The following PDZD2 variants were observed in gnomAD, a reference collection of about 807,000 sequenced individuals.
PDZD2 encodes PDZ domain-containing protein 2.
PDZD2 carries 90 observed loss-of-function variants against 220.7 expected under a neutral mutation model. The ratio of observed to expected loss-of-function variants is 0.41; its 90% CI spans 0.34 to 0.49. The LOEUF (loss-of-function observed/expected upper bound fraction) is 0.49, where lower values mean the gene tolerates loss of function less well. Among genes scored for constraint, PDZD2 ranks in the 20% least tolerant of loss-of-function variants. The pLI is 0.28. For synonymous variants in PDZD2, 1,375 were observed against 1,450.5 expected (o/e 0.95, Z 1.18); for missense variants, 3,174 against 3,608.5 (o/e 0.88, Z 3.08).
intron 2 of PDZD2, among the ~76,000 whole-genome samples, chr5:31,814,668 A>C (rs1463824832): frequency 6.6e-6 from 1 of 150,938 alleles, no homozygotes. Flanking sequence ...ACTAAAAAAA[A>C]ACAGCCAAGC....
In PDZD2 at chr5:32,074,367, G is replaced by A. The variant is rs762807133; in HGVS notation, c.3261G>A (p.Leu1087=). 1 of 1,614,136 alleles carries A rather than the reference G, an allele frequency of 6.2e-7. No homozygotes were observed. The highest frequency in any genetic ancestry group is 8.5e-7 in the Non-Finnish European group (1 of 1,180,028). Residue 1087 remains leucine (L), a synonymous_variant, in exon 18 of 25, where the codon TTG becomes TTA. Coordinates refer to ENST00000438447, the MANE Select transcript of PDZD2 (RefSeq NM_178140.4). ...CAGGATCAAGTAGCGCACCCAAATT[G>A]GAATACACAGTCCGTACAGACACCC... ...ELSGSSSAPK[L]EYTVRTDTQS...
chr5:31,693,247 T>TTTC (rs904672015), intron 1 of PDZD2, among the ~76,000 whole-genome samples: 1 of 146,428 alleles, frequency 6.8e-6, no homozygotes, highest in African/African-American at 2.5e-5. Flanking sequence ...GCACTTTTTT[T>TTTC]TTTTTTTTTT....
chr5:31,748,928 T>C (rs1750762624), intron 1 of PDZD2, among the ~76,000 whole-genome samples: 1 of 152,234 alleles, frequency 6.6e-6, no homozygotes, highest in East Asian at 1.9e-4. Context: ...TCTGTGTCTC[T>C]GCCTAGCACT....
intron 3 of PDZD2, among the ~76,000 whole-genome samples, chr5:31,985,800 C>T (rs112099444): frequency 0.014 from 2,083 of 152,002 alleles, 51 homozygotes; most frequent in African/African-American, 0.048. Flanking sequence ...AACTTCTGGC[C>T]GGGCGCAGTG....
chr5:31,907,314 G>A (rs1742744788), intron 2 of PDZD2, among the ~76,000 whole-genome samples: 3 of 152,192 alleles, frequency 2.0e-5, no homozygotes. Context: ...TCTTCACATG[G>A]CAGGGAAAGC....
chr5:32,054,655 A>G (rs1323282756), intron 10 of PDZD2, among the ~76,000 whole-genome samples: 1 of 152,008 alleles, frequency 6.6e-6, no homozygotes, highest in Non-Finnish European at 1.5e-5. Flanking sequence ...TCTCAATAGC[A>G]CCTGCCATTT....
chr5:31,735,309 G>A (rs1231668570), intron 1 of PDZD2, among the ~76,000 whole-genome samples: 1 of 152,074 alleles, frequency 6.6e-6, no homozygotes, highest in Non-Finnish European at 1.5e-5. Context: ...GTGTGGTGGG[G>A]GCACTTCGTG....
chr5:31,719,925 A>C (rs1387890621), intron 1 of PDZD2, among the ~76,000 whole-genome samples: 2 of 152,356 alleles, frequency 1.3e-5, no homozygotes, highest in East Asian at 3.9e-4. Context: ...GGTTTAAGCA[A>C]AGAGGTTATT....
intron 2 of PDZD2, among the ~76,000 whole-genome samples, chr5:31,846,978 G>A (rs1757617715): frequency 6.6e-6 from 1 of 152,084 alleles, no homozygotes; most frequent in South Asian, 2.1e-4. Context: ...TTTTTTGTTT[G>A]TGTCTGGTTC....
chr5:31,962,952 C>A (rs991889198), intron 2 of PDZD2, among the ~76,000 whole-genome samples: 1 of 152,158 alleles, frequency 6.6e-6, no homozygotes, highest in African/African-American at 2.4e-5. Flanking sequence ...TTTGATTTTG[C>A]TTTTGGATGC....
chr5:31,981,375 T>G (rs1750287096), intron 2 of PDZD2, among the ~76,000 whole-genome samples: 3 of 152,204 alleles, frequency 2.0e-5, no homozygotes, highest in Non-Finnish European at 4.4e-5. Flanking sequence ...ATATATGCCT[T>G]TGGGCCAGAA....
chr5:32,047,348 G>A (rs376693685), intron 7 of PDZD2, among the ~76,000 whole-genome samples: 1 of 152,148 alleles, frequency 6.6e-6, no homozygotes, highest in East Asian at 1.9e-4. Flanking sequence ...AAACAGCATG[G>A]GTAAAGCTGG....
chr5:31,726,036 G>A (rs901919662), intron 1 of PDZD2: 3 of 342,196 alleles, frequency 8.8e-6, no homozygotes, highest in African/African-American at 4.3e-5. Context: ...GTGCTGAACC[G>A]AGAAGGCAGG....
At chr5:32,063,487 G>T (rs781608242) in intron 14 of PDZD2, among the ~76,000 whole-genome samples, 6 of 152,210 alleles carry the variant, frequency 3.9e-5, no homozygotes, top group Non-Finnish European at 7.3e-5. Flanking sequence ...CACCAAGGAG[G>T]CCCTGGGGGT....
At chr5:31,812,935 AAC>A (rs775104388) in intron 2 of PDZD2, among the ~76,000 whole-genome samples, 9 of 152,202 alleles carry the variant, frequency 5.9e-5, no homozygotes, top group Middle Eastern at 3.2e-3. Flanking sequence ...TGACTGGGTT[AAC>A]ACTTTTCTTC....
chr5:31,781,486 A>G (rs1263165119), intron 1 of PDZD2, among the ~76,000 whole-genome samples: 1 of 152,194 alleles, frequency 6.6e-6, no homozygotes, highest in African/African-American at 2.4e-5. Flanking sequence ...AGTGGTGGGT[A>G]TACAGTGCAC....
intron 19 of PDZD2, among the ~76,000 whole-genome samples, chr5:32,080,084 C>T (rs1409272608): frequency 2.0e-5 from 3 of 152,082 alleles, no homozygotes; most frequent in African/African-American, 4.8e-5. Context: ...CGCAGTGGCT[C>T]ACACCTGTAA....
intron 1 of PDZD2, among the ~76,000 whole-genome samples, chr5:31,780,839 T>C (rs1753022320): frequency 1.3e-5 from 2 of 152,136 alleles, no homozygotes; most frequent in Admixed American, 6.6e-5. Context: ...TGGAGCAGGG[T>C]AGCAGCAGCA....
rs551123094 is a variant in PDZD2, at chr5:31,952,785, C to G, written c.477-30370C>G. 2.6e-4 allele frequency among the ~76,000 whole-genome samples: 39 copies of G among 152,222 alleles called. No individual in the cohort carries two copies. In the South Asian group the frequency reaches 7.9e-3, roughly 31 times the overall value. On this transcript the variant is annotated intron_variant, in intron 2 of 24. Coordinates refer to ENST00000438447, the MANE Select transcript of PDZD2 (RefSeq NM_178140.4). ...TGAAAAATAAGAATAGCAGCCCAGG[C>G]ACGGTGGCTCATGCCTGTAATCCCA...
Sources: allele counts gnomAD v4.1 joint callset (sites outside exome capture counted in the v4.1 genomes callset), GRCh38; gene constraint gnomAD v4.1.1; transcripts MANE v1.5; gene names NCBI Gene and HGNC (gene_info 2026-07-23, HGNC 2026-07-21).